The following ARMC12 variants were observed in gnomAD, a reference collection of about 807,000 sequenced individuals.
ARMC12 encodes the protein armadillo repeat containing 12.
ARMC12 carries 25 observed loss-of-function variants against 37.4 expected under a neutral mutation model. The ratio of observed to expected loss-of-function variants is 0.67; its 90% confidence interval spans 0.49 to 0.93. The LOEUF (loss-of-function observed/expected upper bound fraction) is 0.93. ARMC12 is among the 40% of genes least tolerant of loss of function. The probability of loss-of-function intolerance (pLI) is 0.00; values close to 1 mark genes in which losing one functional copy is unlikely to be tolerated. For synonymous variants in ARMC12, 167 were observed against 176.1 expected (o/e 0.95, Z 0.41); for missense variants, 384 against 426.6 (o/e 0.90, Z 0.88).
At position 35,748,217 on chromosome 6, in the gene ARMC12, A is replaced by T. The variant is rs148243633; in HGVS notation, c.691-321A>T. ...CACAAATAAGCTTGAGCCATTAGAC[A>T]TACTCAGAACAGTCTACAAGGATTA... is the stretch of plus-strand genomic sequence containing the variant. On this transcript the variant is annotated intron_variant, in intron 5 of 5. Transcript: ENST00000373866. Among the ~76,000 whole-genome samples, 157 of 152,342 alleles carry T rather than the reference A, an allele frequency of 1.0e-3. 1 individual carries two copies. The highest frequency in any genetic ancestry group is 2.3e-3 in the South Asian group (11 of 4,826).
At chr6:35,745,734 C>T (rs1767316654) in intron 3 of ARMC12, among the ~76,000 whole-genome samples, 1 of 152,134 alleles carries the variant, frequency 6.6e-6, no homozygotes, top group Admixed American at 6.6e-5. Flanking sequence ...TTTGCAACTT[C>T]CTGTAAATTT....
chr6:35,736,482 A>G (rs1296423407), upstream of ARMC12, among the ~76,000 whole-genome samples: 4 of 152,258 alleles, frequency 2.6e-5, no homozygotes, highest in African/African-American at 9.6e-5. Flanking sequence ...AATGGTGGAA[A>G]GGCAGCCTCT....
chr6:35,746,249 GT>G (rs1767334861), intron 3 of ARMC12, among the ~76,000 whole-genome samples: 1 of 152,028 alleles, frequency 6.6e-6, no homozygotes, highest in African/African-American at 2.4e-5. Context: ...TGAGTTGTGA[GT>G]ATCTGGGGAT....
chr6:35,738,848 A>G (rs1444108108), intron 3 of ARMC12, among the ~76,000 whole-genome samples: 2 of 152,274 alleles, frequency 1.3e-5, no homozygotes, highest in Middle Eastern at 3.4e-3. Flanking sequence ...CAGTTCAGAC[A>G]CTATCCATAG....
chr6:35,738,284 G>GTT (rs1554141434), intron 2 of ARMC12, 100 bp from the exon 3 acceptor site: 7 of 1,105,396 alleles, frequency 6.3e-6, no homozygotes, highest in African/African-American at 1.9e-5. Flanking sequence ...GGCTGATAGC[G>GTT]GTGGGGGGGG....
the ARMC12 span, among the ~76,000 whole-genome samples, chr6:35,731,737 G>A: frequency 5.3e-5 from 8 of 152,174 alleles, no homozygotes; most frequent in Non-Finnish European, 1.2e-4. Context: ...GTTCTAGAGA[G>A]TGCCGGCTCC....
chr6:35,733,962 G>A (rs947733629), upstream of ARMC12: 2 of 152,220 alleles, frequency 1.3e-5, no homozygotes, highest in African/African-American at 2.4e-5. Context: ...AAGGCAGGTA[G>A]TAACTCACAG....
chr6:35,734,946 C>T (rs924739237), upstream of ARMC12: 1 of 152,204 alleles, frequency 6.6e-6, no homozygotes, highest in Non-Finnish European at 1.5e-5. Flanking sequence ...CTAGGAATGA[C>T]TCTGCCTCTA....
Position 35,737,101 on chromosome 6 carries a change from C to T in ARMC12, c.-8C>T. Reference sequence around the variant, plus strand: ...GCTCTCACCTGGGCCCAGGGCAACACTGAAGACATGGGCAAGAGCATCCCC... The same window carrying T: ...GCTCTCACCTGGGCCCAGGGCAACATTGAAGACATGGGCAAGAGCATCCCC... On this transcript the variant is annotated 5_prime_UTR_variant, in exon 1 of 6. Coordinates refer to ENST00000373866, the MANE Select transcript of ARMC12 (RefSeq NM_001286574.2). 6.2e-7 allele frequency: 1 copy of T among 1,614,034 alleles called. No homozygotes were observed. Among genetic ancestry groups the T allele is most frequent in the East Asian group, 2.2e-5 (1 of 44,864 alleles).
intron 3 of ARMC12, among the ~76,000 whole-genome samples, chr6:35,745,549 A>G (rs1277914379): frequency 1.3e-5 from 2 of 152,172 alleles, no homozygotes. Flanking sequence ...CTGGTGGGAT[A>G]ATCTGTTGGC....
At chr6:35,746,915 A>G (rs532491495) in intron 3 of ARMC12, among the ~76,000 whole-genome samples, 66 of 152,132 alleles carry the variant, frequency 4.3e-4, no homozygotes, top group Admixed American at 1.6e-3. Context: ...GGGAGGGACA[A>G]CATAGCTGGA....
At chr6:35,731,851 C>A in the ARMC12 span, among the ~76,000 whole-genome samples, 1 of 152,182 alleles carries the variant, frequency 6.6e-6, no homozygotes, top group African/African-American at 2.4e-5. Flanking sequence ...CGCTCCGCGT[C>A]CTAGGGGGCG....
intron 3 of ARMC12, among the ~76,000 whole-genome samples, chr6:35,743,581 T>C (rs2151043212): frequency 6.6e-6 from 1 of 152,256 alleles, no homozygotes; most frequent in Non-Finnish European, 1.5e-5. Flanking sequence ...ATTGAACACT[T>C]TGTGCCAACA....
rs1334723164 is a variant in ARMC12 at position 35,748,919 on chromosome 6, T to C, written c.*49T>C. On this transcript the variant is annotated 3_prime_UTR_variant, in exon 6 of 6. Transcript: ENST00000373866. ...GTATAGGAGAGAAACTTGAAGTTTCTTGAAGCTCGAATGTCTGTTGGTGGC... is the reference window on the plus strand; with the variant it reads ...GTATAGGAGAGAAACTTGAAGTTTCCTGAAGCTCGAATGTCTGTTGGTGGC... 3 of 1,530,846 alleles carry C rather than the reference T, an allele frequency of 2.0e-6. No individual in the cohort carries two copies. Among genetic ancestry groups the C allele is most frequent in the Non-Finnish European group, 1.8e-6 (2 of 1,136,658 alleles). The allele number at this position is 1,530,846 out of a possible 1,614,324, so 94.8% of individuals were successfully genotyped here.
At chr6:35,734,369 C>A (rs1302234261), upstream of ARMC12, among the ~76,000 whole-genome samples, 1 of 152,026 alleles carries the variant, frequency 6.6e-6, no homozygotes, top group East Asian at 1.9e-4. Context: ...TTGCTTCAGC[C>A]CAGGCCAGGC....
chr6:35,734,894 T>G (rs1257182493), upstream of ARMC12, among the ~76,000 whole-genome samples: 1 of 152,208 alleles, frequency 6.6e-6, no homozygotes, highest in Non-Finnish European at 1.5e-5. Flanking sequence ...TTCCTTTGTC[T>G]TTAATTTTTT....
upstream of ARMC12, among the ~76,000 whole-genome samples, chr6:35,734,298 T>C (rs2151031381): frequency 1.3e-5 from 2 of 152,264 alleles, 1 homozygote; most frequent in Middle Eastern, 6.8e-3. Context: ...TAGCTGGGAC[T>C]ACAGGCACGC....
chr6:35,739,859 T>C (rs567826168), intron 3 of ARMC12, among the ~76,000 whole-genome samples: 1 of 152,292 alleles, frequency 6.6e-6, no homozygotes, highest in East Asian at 1.9e-4. Context: ...TATTATGTAG[T>C]CTTGATGAAT....
At chr6:35,736,146 T>C (rs1398827289), upstream of ARMC12, among the ~76,000 whole-genome samples, 4 of 152,226 alleles carry the variant, frequency 2.6e-5, no homozygotes, top group Non-Finnish European at 1.5e-5. Context: ...GATTCTATGC[T>C]GGAGATGCAA....
Sources: allele counts gnomAD v4.1 joint callset (sites outside exome capture counted in the v4.1 genomes callset), GRCh38; gene constraint gnomAD v4.1.1; transcripts MANE v1.5; gene names NCBI Gene and HGNC (gene_info 2026-07-23, HGNC 2026-07-21).